CYP20A1: variants seen among roughly 807,000 people sequenced by gnomAD.
CYP20A1 encodes cytochrome P450 20A1.
In CYP20A1, 61 loss-of-function variants were observed where a neutral mutation model predicts 61.4. The ratio of observed to expected loss-of-function variants is 0.99; its 90% CI spans 0.81 to 1.23. The LOEUF is 1.23. CYP20A1 is among the 50% of genes most tolerant of loss of function. CYP20A1 has a pLI of 0.00. For synonymous variants in CYP20A1, 193 were observed against 188.2 expected (o/e 1.03, Z -0.21); for missense variants, 530 against 542.4 (o/e 0.98, Z 0.23).
At chr2:203,284,737 CTTTTT>C (rs748438150) in intron 8 of CYP20A1, among the ~76,000 whole-genome samples, 55 of 99,114 alleles carry the variant, frequency 5.5e-4, no homozygotes, top group African/African-American at 2.0e-3. Context: ...AGAACCACTG[CTTTTT>C]TTTTTTTTTT....
At position 203,296,937 on chromosome 2, in the gene CYP20A1, A is replaced by G. The variant is rs758486769; in HGVS notation, c.*29A>G. Reference sequence around the variant, plus strand: ...TTTATACATTTAAAATCATTGTTAAATTGATTGAGGAAAACAACCATTTAA... The same window carrying G: ...TTTATACATTTAAAATCATTGTTAAGTTGATTGAGGAAAACAACCATTTAA... On this transcript the variant is annotated 3_prime_UTR_variant, in exon 13 of 13. Transcript: ENST00000356079. The G allele has an allele frequency of 1.1e-5, 14 of 1,328,336 alleles. No homozygotes were observed. Among genetic ancestry groups the G allele is most frequent in the African/African-American group, 1.5e-5 (1 of 65,600 alleles). The allele number at this position is 1,328,336 out of a possible 1,614,324, so 82.3% of individuals were successfully genotyped here.
At chr2:203,293,461 C>T (rs866472092) in intron 11 of CYP20A1, among the ~76,000 whole-genome samples, 11 of 150,466 alleles carry the variant, frequency 7.3e-5, no homozygotes, top group African/African-American at 1.7e-4. Flanking sequence ...ATGATCCACC[C>T]GCCTCAGCCT....
intron 3 of CYP20A1, among the ~76,000 whole-genome samples, chr2:203,250,968 G>T (rs1452345329): frequency 1.3e-5 from 2 of 149,242 alleles, no homozygotes; most frequent in African/African-American, 4.9e-5. Context: ...GGAGGCTGAG[G>T]CAGGAGAATG....
At chr2:203,292,955 C>T (rs2068602673) in intron 11 of CYP20A1, among the ~76,000 whole-genome samples, 1 of 151,898 alleles carries the variant, frequency 6.6e-6, no homozygotes, top group Non-Finnish European at 1.5e-5. Flanking sequence ...GCGGGCGGAT[C>T]ACAAGGTCAT....
intron 1 of CYP20A1, among the ~76,000 whole-genome samples, chr2:203,240,207 A>C (rs1369832600): frequency 6.6e-6 from 1 of 152,246 alleles, no homozygotes; most frequent in Non-Finnish European, 1.5e-5. Flanking sequence ...ACACCTTCTT[A>C]AATGTTCTTT....
At position 203,305,342 on chromosome 2, in the gene CYP20A1, A is replaced by G. The variant is rs1477210689; in HGVS notation, c.*8434A>G. On this transcript the variant is annotated 3_prime_UTR_variant, in exon 13 of 13. Transcript: ENST00000356079. The stretch of plus-strand genomic sequence containing the variant: ...CAGCCTGCCGAGTAGCTGGGACTAC[A>G]GTCGCACGCCAACCACCCCCAGCTA... 1.3e-5 allele frequency: 2 copies of G among 151,822 alleles called. No individual in the cohort carries two copies. The highest frequency in any genetic ancestry group is 6.6e-5 in the Admixed American group (1 of 15,182). The allele number at this position is 151,822 out of a possible 1,614,324, so 9.4% of individuals were successfully genotyped here.
intron 6 of CYP20A1, among the ~76,000 whole-genome samples, chr2:203,275,234 A>G (rs547848957): frequency 1.8e-4 from 28 of 152,342 alleles, no homozygotes; most frequent in Admixed American, 7.8e-4. Context: ...GTACAACAGT[A>G]GTTCCCAAAC....
chr2:203,287,934 T>G (rs1055281586), intron 9 of CYP20A1, among the ~76,000 whole-genome samples: 4 of 151,740 alleles, frequency 2.6e-5, no homozygotes, highest in African/African-American at 9.7e-5. Flanking sequence ...TAAGTCCGGG[T>G]TTTGGTTTTT....
chr2:203,274,882 A>T (rs1343469824), intron 6 of CYP20A1, among the ~76,000 whole-genome samples: 1 of 152,248 alleles, frequency 6.6e-6, no homozygotes, highest in Non-Finnish European at 1.5e-5. Flanking sequence ...ATTAACATGA[A>T]ATGAAAATAA....
intron 10 of CYP20A1, among the ~76,000 whole-genome samples, chr2:203,291,033 T>C (rs1429604505): frequency 6.6e-6 from 1 of 152,016 alleles, no homozygotes; most frequent in African/African-American, 2.4e-5. Context: ...TTGAGTAGAG[T>C]CTGAGACACG....
At chr2:203,262,843 C>G (rs932618161) in intron 4 of CYP20A1, among the ~76,000 whole-genome samples, 13 of 151,408 alleles carry the variant, frequency 8.6e-5, no homozygotes, top group African/African-American at 2.9e-4. Flanking sequence ...TGCCTGCCAC[C>G]ACGCCCTGCT....
chr2:203,278,768 T>TGGG, intron 7 of CYP20A1, 80 bp downstream of exon 7: 1 of 712,920 alleles, frequency 1.4e-6, no homozygotes, highest in Non-Finnish European at 2.3e-6. Flanking sequence ...TAGTCCCAGC[T>TGGG]ACTTGAGAGG....
At chr2:203,287,839 C>CA (rs2068349262) in intron 9 of CYP20A1, among the ~76,000 whole-genome samples, 1 of 152,212 alleles carries the variant, frequency 6.6e-6, no homozygotes, top group Admixed American at 6.6e-5. Flanking sequence ...TAGCTCTACT[C>CA]AAAGTCTTTA....
At chr2:203,269,621 AG>A (rs1264928646) in intron 5 of CYP20A1, among the ~76,000 whole-genome samples, 1 of 150,500 alleles carries the variant, frequency 6.6e-6, no homozygotes. Flanking sequence ...CAGCCTCCCC[AG>A]TAGCTGGGAT....
intron 1 of CYP20A1, 44 bp from the exon 2 acceptor site, chr2:203,245,802 T>C (rs1403006999): frequency 4.7e-5 from 57 of 1,215,480 alleles, no homozygotes; most frequent in Non-Finnish European, 6.2e-5. Flanking sequence ...ATCTGACTTA[T>C]GGGATATATG....
intron 4 of CYP20A1, among the ~76,000 whole-genome samples, chr2:203,253,395 G>A (rs2105916034): frequency 6.6e-6 from 1 of 152,298 alleles, no homozygotes; most frequent in East Asian, 1.9e-4. Flanking sequence ...CCATCCTCCA[G>A]AGGCAAAGGA....
At chr2:203,244,402 G>A (rs2066375052) in intron 1 of CYP20A1, among the ~76,000 whole-genome samples, 1 of 152,008 alleles carries the variant, frequency 6.6e-6, no homozygotes, top group Non-Finnish European at 1.5e-5. Flanking sequence ...GGGTTGCCAT[G>A]TTTGTCAGGC....
intron 6 of CYP20A1, among the ~76,000 whole-genome samples, chr2:203,274,594 A>G (rs998101454): frequency 1.3e-5 from 2 of 152,170 alleles, no homozygotes; most frequent in Non-Finnish European, 2.9e-5. Flanking sequence ...ACATTATAGT[A>G]TTGCTTCACA....
Position 203,285,723 on chromosome 2 carries a change from A to T in CYP20A1, c.962A>T (p.Glu321Val). 6.3e-7 allele frequency: 1 copy of T among 1,593,098 alleles called. No individual in the cohort carries two copies. Among genetic ancestry groups the T allele is most frequent in the Non-Finnish European group, 8.5e-7 (1 of 1,175,354 alleles). Residue 321 changes from glutamate (E) to valine (V), a missense_variant, in exon 9 of 13, where the codon GAG (glutamate) becomes GTG (valine). Transcript: ENST00000356079. The stretch of plus-strand genomic sequence containing the variant: ...GGTCCTGTTACTCCAGAGAAAATTG[A>T]GCAGCTCAGGTAAGAACACAATAAA... ...GNGPVTPEKI[E>V]QLRYCQHVLC...
Sources: allele counts gnomAD v4.1 joint callset (sites outside exome capture counted in the v4.1 genomes callset), GRCh38; gene constraint gnomAD v4.1.1; transcripts MANE v1.5; gene names NCBI Gene and HGNC (gene_info 2026-07-23, HGNC 2026-07-21).